The following ZCCHC10 variants were observed in gnomAD, a reference collection of about 807,000 sequenced individuals.
ZCCHC10 encodes the protein zinc finger CCHC domain-containing protein 10.
A neutral mutation model predicts 19.5 loss-of-function variants in ZCCHC10; 16 were observed. That is an observed-to-expected ratio of 0.82 (90% confidence interval 0.56 to 1.25). The LOEUF (loss-of-function observed/expected upper bound fraction) is 1.25. ZCCHC10 is among the 50% of genes most tolerant of loss of function. The pLI, the probability that ZCCHC10 is intolerant of heterozygous loss-of-function variation, is 0.00. For synonymous variants in ZCCHC10, 67 were observed against 72.5 expected, an observed-to-expected ratio of 0.92 and a Z score of 0.38; for missense variants, 197 against 201.0, an observed-to-expected ratio of 0.98 and a Z score of 0.12.
rs182044168 is a variant in ZCCHC10 at position 133,011,097 on chromosome 5, G to C, written c.108-4177C>G. ...GTGAGCCACCGCACCTGGCTAAAAG[G>C]AACTTTTTAATTTAAAAATATTTTT... On this transcript the variant is annotated intron_variant, in intron 2 of 4. Coordinates refer to ENST00000509437, the MANE Select transcript of ZCCHC10 (RefSeq NM_001300816.3). Among the ~76,000 whole-genome samples the C allele has an allele frequency of 4.9e-3, 747 of 151,412 alleles. 2 individuals carry two copies. Among genetic ancestry groups the C allele is most frequent in the Non-Finnish European group, 7.5e-3 (507 of 67,864 alleles).
At chr5:133,006,950 TA>T (rs1327440509) in intron 2 of ZCCHC10, 30 bp from the exon 3 acceptor site, 3 of 1,554,004 alleles carry the variant, frequency 1.9e-6, no homozygotes, top group African/African-American at 2.8e-5. Flanking sequence ...ATACAAGCCT[TA>T]AAATTCTGTC....
chr5:133,025,300 C>T (rs889782581), intron 1 of ZCCHC10, among the ~76,000 whole-genome samples: 1 of 151,718 alleles, frequency 6.6e-6, no homozygotes, highest in South Asian at 2.1e-4. Context: ...GTCAGGGGAT[C>T]GAGACCATCC....
rs902698216 is a variant in ZCCHC10 at position 132,997,790 on chromosome 5, A to G, written c.*793T>C. ...GAATGGTACCTTTTATTGCATGTTA[A>G]TACACAAAGATATTTCTAGCACTTC... On this transcript the variant is annotated 3_prime_UTR_variant, in exon 5 of 5. Transcript: ENST00000509437. The G allele has an allele frequency of 6.6e-6, 1 of 152,096 alleles. No homozygotes were observed. The highest frequency in any genetic ancestry group is 2.4e-5 in the African/African-American group (1 of 41,442). The allele number at this position is 152,096 out of a possible 1,614,324, so 9.4% of individuals were successfully genotyped here.
At chr5:133,007,057 GTGA>G in intron 2 of ZCCHC10, 137 bp from the exon 3 acceptor site, 1 of 853,502 alleles carries the variant, frequency 1.2e-6, no homozygotes, top group South Asian at 2.6e-5. Flanking sequence ...TTTTACCCTT[GTGA>G]GATTTAATAC....
chr5:133,015,516 G>T (rs551253356), intron 2 of ZCCHC10, among the ~76,000 whole-genome samples: 5 of 152,244 alleles, frequency 3.3e-5, no homozygotes. Context: ...ATGAAGCAAG[G>T]TGAGGGAGTG....
intron 1 of ZCCHC10, among the ~76,000 whole-genome samples, 175 bp from the exon 2 acceptor site, chr5:133,023,081 T>C (rs550281887): frequency 6.6e-6 from 1 of 152,306 alleles, no homozygotes; most frequent in Admixed American, 6.5e-5. Flanking sequence ...AAATGGGGTT[T>C]AACTTTATAA....
chr5:133,011,346 C>G (rs1763509837), intron 2 of ZCCHC10: 1 of 151,638 alleles, frequency 6.6e-6, no homozygotes, highest in African/African-American at 2.4e-5. Flanking sequence ...AACCTTAGGC[C>G]AGGCATGGTG....
rs934023830 is a variant in ZCCHC10 at position 132,997,180 on chromosome 5, T to A, written c.*1403A>T. ...AATATTCTGTAGGCAGCCTTTGAAA[T>A]GATGTTTTGAGAATTTATTTACAAC... On this transcript the variant is annotated 3_prime_UTR_variant, in exon 5 of 5. Coordinates refer to ENST00000509437, the MANE Select transcript of ZCCHC10 (RefSeq NM_001300816.3). The A allele has an allele frequency of 2.6e-5, 4 of 152,232 alleles. No homozygotes were observed. Among genetic ancestry groups the A allele is most frequent in the African/African-American group, 9.6e-5 (4 of 41,468 alleles). The allele number at this position is 152,232 out of a possible 1,614,324, so 9.4% of individuals were successfully genotyped here.
chr5:133,006,631 A>C, intron 3 of ZCCHC10, 128 bp downstream of exon 3: 1 of 894,960 alleles, frequency 1.1e-6, no homozygotes, highest in Non-Finnish European at 1.6e-6. Flanking sequence ...GGCACACAGT[A>C]AGCATCTATT....
chr5:133,025,893 G>C (rs1764669693), intron 1 of ZCCHC10, among the ~76,000 whole-genome samples: 1 of 152,184 alleles, frequency 6.6e-6, no homozygotes, highest in South Asian at 2.1e-4. Flanking sequence ...TAGAATGTAA[G>C]CTCTCTGAAA....
At chr5:133,008,340 C>G (rs1763268736) in intron 2 of ZCCHC10, among the ~76,000 whole-genome samples, 1 of 149,004 alleles carries the variant, frequency 6.7e-6, no homozygotes, top group African/African-American at 2.5e-5. Context: ...GAGTTTGAGA[C>G]CAGCCTGGCC....
chr5:133,009,292 T>C (rs73273076), intron 2 of ZCCHC10, among the ~76,000 whole-genome samples: 5,895 of 151,886 alleles, frequency 0.039, 395 homozygotes, highest in East Asian at 0.29. Context: ...CATGAGCCAC[T>C]GCACCCTGCC....
intron 2 of ZCCHC10, among the ~76,000 whole-genome samples, chr5:133,013,551 G>A (rs767647829): frequency 7.9e-5 from 12 of 151,240 alleles, no homozygotes; most frequent in Admixed American, 3.3e-4. Context: ...GTGAAACCTC[G>A]TCTCTACTAA....
intron 2 of ZCCHC10, among the ~76,000 whole-genome samples, chr5:133,014,491 G>A (rs778512790): frequency 1.3e-5 from 2 of 152,052 alleles, no homozygotes; most frequent in Non-Finnish European, 2.9e-5. Context: ...CCACACCTAA[G>A]TTGCATCAAA....
chr5:133,025,430 G>T (rs187310890), intron 1 of ZCCHC10, among the ~76,000 whole-genome samples: 33 of 150,952 alleles, frequency 2.2e-4, no homozygotes, highest in Admixed American at 2.1e-3. Context: ...CGTGAACCCG[G>T]GGGGCGGAGC....
rs1251634177 is a variant in ZCCHC10 at position 133,014,298 on chromosome 5, T to C, written c.108-7378A>G. Among the ~76,000 whole-genome samples, 5 of 152,134 alleles carry C rather than the reference T, an allele frequency of 3.3e-5. No homozygotes were observed. The South Asian group carries it at 8.3e-4, about 25-fold the overall frequency. On this transcript the variant is annotated intron_variant, in intron 2 of 4. Transcript: ENST00000509437. Reference sequence around the variant, plus strand: ...CCTCAGCCTCCCCAGTAGCTGGGATTACAGGCATGTGCCACCACGCCTGGC... The same window carrying C: ...CCTCAGCCTCCCCAGTAGCTGGGATCACAGGCATGTGCCACCACGCCTGGC...
intron 2 of ZCCHC10, among the ~76,000 whole-genome samples, chr5:133,012,136 CAAA>C (rs1172354725): frequency 1.3e-5 from 1 of 74,880 alleles, no homozygotes; most frequent in African/African-American, 5.2e-5. Context: ...GCCTCCATCT[CAAA>C]AAAAAAAAAA....
intron 1 of ZCCHC10, among the ~76,000 whole-genome samples, chr5:133,024,826 CA>C (rs1764561991): frequency 6.6e-6 from 1 of 151,942 alleles, no homozygotes; most frequent in Non-Finnish European, 1.5e-5. Flanking sequence ...TCATTTGAAC[CA>C]GGGAGGCAGA....
chr5:133,014,208 G>A (rs1001992601), intron 2 of ZCCHC10, among the ~76,000 whole-genome samples: 3 of 141,254 alleles, frequency 2.1e-5, no homozygotes, highest in African/African-American at 5.3e-5. Context: ...TGCCCAGGCT[G>A]GAGTGCAATG....
Sources: allele counts gnomAD v4.1 joint callset (sites outside exome capture counted in the v4.1 genomes callset), GRCh38; gene constraint gnomAD v4.1.1; transcripts MANE v1.5; gene names NCBI Gene and HGNC (gene_info 2026-07-23, HGNC 2026-07-21).